PTTG1IP: variants seen among roughly 807,000 people sequenced by gnomAD.
The protein encoded by PTTG1IP is pituitary tumor-transforming gene 1 protein-interacting protein.
In PTTG1IP, 16 loss-of-function variants were observed where a neutral mutation model predicts 24.4. The observed-to-expected ratio is 0.66, with a 90% CI of 0.44 to 1.00. The LOEUF is 1.00. Ranked by LOEUF, PTTG1IP falls within the 50% of genes least tolerant of loss-of-function variation. The pLI is 0.00. For missense variants in PTTG1IP, 241 were observed against 245.8 expected, an observed-to-expected ratio of 0.98 and a Z score of 0.13; for synonymous variants, 89 against 96.8, an observed-to-expected ratio of 0.92 and a Z score of 0.47.
intron 1 of PTTG1IP, among the ~76,000 whole-genome samples, chr21:44,868,853 T>C (rs1420106657): frequency 1.3e-5 from 2 of 152,226 alleles, no homozygotes; most frequent in African/African-American, 4.8e-5. Flanking sequence ...CCAAGACCAC[T>C]GAGTCTGCCT....
intron 3 of PTTG1IP, among the ~76,000 whole-genome samples, chr21:44,858,383 C>T (rs1362811107): frequency 3.3e-5 from 5 of 152,210 alleles, no homozygotes; most frequent in Admixed American, 6.5e-5. Context: ...AGGGCCCGGC[C>T]ACAACTGCTC....
At chr21:44,865,650 G>A (rs1415690601) in intron 1 of PTTG1IP, 22 of 623,742 alleles carry the variant, frequency 3.5e-5, no homozygotes, top group South Asian at 3.5e-4. Flanking sequence ...CAGGAACCCC[G>A]CTGCAGGCAG....
chr21:44,867,067 G>A (rs2083547513), intron 1 of PTTG1IP, among the ~76,000 whole-genome samples: 1 of 152,224 alleles, frequency 6.6e-6, no homozygotes, highest in Non-Finnish European at 1.5e-5. Context: ...CAGCCCAGAT[G>A]TCACTCTGTA....
chr21:44,869,871 C>T (rs766689225), intron 1 of PTTG1IP, among the ~76,000 whole-genome samples: 4 of 152,162 alleles, frequency 2.6e-5, no homozygotes, highest in Non-Finnish European at 4.4e-5. Flanking sequence ...CTCCTCAGCC[C>T]AACAGTGGCT....
chr21:44,871,153 G>C (rs1470090951), intron 1 of PTTG1IP, among the ~76,000 whole-genome samples: 1 of 152,266 alleles, frequency 6.6e-6, no homozygotes, highest in African/African-American at 2.4e-5. Context: ...TATTTCAAAA[G>C]AAAGAGTTGA....
intron 3 of PTTG1IP, among the ~76,000 whole-genome samples, chr21:44,857,325 A>T (rs1394706224): frequency 6.6e-6 from 1 of 152,092 alleles, no homozygotes; most frequent in African/African-American, 2.4e-5. Flanking sequence ...ATCTCTACAA[A>T]ACTGTTTAAC....
At chr21:44,872,295 A>C (rs1399750256) in intron 1 of PTTG1IP, among the ~76,000 whole-genome samples, 2 of 152,240 alleles carry the variant, frequency 1.3e-5, no homozygotes, top group Admixed American at 6.5e-5. Context: ...CCCTAAGCAC[A>C]CTTGGAGGCA....
At chr21:44,861,697 CA>C in intron 2 of PTTG1IP, 1 of 715,592 alleles carries the variant, frequency 1.4e-6, no homozygotes. Flanking sequence ...AGACTGGACA[CA>C]ACCAGCCGCC....
intron 4 of PTTG1IP, among the ~76,000 whole-genome samples, chr21:44,855,460 G>T (rs2083442372): frequency 6.6e-6 from 1 of 152,114 alleles, no homozygotes; most frequent in African/African-American, 2.4e-5. Context: ...AACGAACCCA[G>T]TCTTCAAAGG....
chr21:44,866,184 T>C lies in PTTG1IP; in HGVS notation c.116-737A>G, dbSNP rs553947105. ...AGTAACTTCCAACATGCAACCAAGCTGACTGCCTACTCCCCCAATCCTGTA... is the reference window on the plus strand; with the variant it reads ...AGTAACTTCCAACATGCAACCAAGCCGACTGCCTACTCCCCCAATCCTGTA... On this transcript the variant is annotated intron_variant, in intron 1 of 5. Transcript: ENST00000330938. Among the ~76,000 whole-genome samples the C allele has an allele frequency of 1.8e-3, 267 of 150,820 alleles. 2 individuals carry two copies. Among genetic ancestry groups the C allele is most frequent in the African/African-American group, 6.4e-3 (260 of 40,894 alleles).
Position 44,873,524 on chromosome 21 carries a change from G to T in PTTG1IP, c.93C>A (p.Ala31=). The T allele has an allele frequency of 1.4e-6, 2 of 1,464,704 alleles. No individual in the cohort carries two copies. The highest frequency in any genetic ancestry group is 2.2e-4 in the Middle Eastern group (1 of 4,646). 90.7% of individuals were successfully genotyped at this position (1,464,704 alleles called of 1,614,324 possible). ...CACCAGCTCCGGGAGGCTCCTGCGC[G>T]GCGGCCACCGGGATGAGCAGCAGGA... ...ALLLLLIPVA[A]AQEPPGAACS... The change falls in exon 1 of 6, where the codon GCC becomes GCA. Residue 31 remains alanine (A), a synonymous_variant. Transcript: ENST00000330938.
In PTTG1IP at chr21:44,873,489, C is replaced by G; in HGVS notation, c.115+13G>C. ...CGCCCCCTTCGCGGCCCCGCCCGCCCCGGCGCCCTCACCAGCTCCGGGAGG... is the reference window on the plus strand; with the variant it reads ...CGCCCCCTTCGCGGCCCCGCCCGCCGCGGCGCCCTCACCAGCTCCGGGAGG... On this transcript the variant is annotated intron_variant, in intron 1 of 5. Transcript: ENST00000330938. The G allele has an allele frequency of 1.4e-6, 2 of 1,398,236 alleles. No homozygotes were observed. The highest frequency in any genetic ancestry group is 1.8e-6 in the Non-Finnish European group (2 of 1,081,896). The allele number at this position is 1,398,236 out of a possible 1,614,324, so 86.6% of individuals were successfully genotyped here. A position where few individuals can be genotyped will look rare whatever the true frequency, so the allele number is the denominator to read the frequency against.
intron 3 of PTTG1IP, among the ~76,000 whole-genome samples, chr21:44,856,752 C>G (rs2083452586): frequency 6.6e-6 from 1 of 152,206 alleles, no homozygotes; most frequent in South Asian, 2.1e-4. Flanking sequence ...ACATTCTAAA[C>G]TCACAGAAAT....
intron 5 of PTTG1IP, 24 bp from the exon 6 acceptor site, chr21:44,851,651 A>G (rs1213577099): frequency 3.9e-6 from 6 of 1,553,434 alleles, no homozygotes; most frequent in Non-Finnish European, 4.4e-6. Context: ...AACTTGAATC[A>G]TAACTTCATT....
intron 4 of PTTG1IP, 50 bp from the exon 5 acceptor site, chr21:44,855,306 G>T (rs756889150): frequency 5.8e-6 from 9 of 1,554,300 alleles, no homozygotes; most frequent in Non-Finnish European, 8.0e-6. Flanking sequence ...GCACGGTGGT[G>T]TAACTGCTAG....
At position 44,850,951 on chromosome 21, in the gene PTTG1IP, A is replaced by C; in HGVS notation, c.*630T>G. 1 of 157,106 alleles carries C rather than the reference A, an allele frequency of 6.4e-6. No individual in the cohort carries two copies. The highest frequency in any genetic ancestry group is 1.4e-5 in the Non-Finnish European group (1 of 71,448). 9.7% of individuals were successfully genotyped at this position (157,106 alleles called of 1,614,324 possible). A position where few individuals can be genotyped will look rare whatever the true frequency, so the allele number is the denominator to read the frequency against. ...GGTGAAATCTTTTAAGCAGGGAGGA[A>C]AATCCAATAAATTTTTTTAAAAAGG... On this transcript the variant is annotated 3_prime_UTR_variant, in exon 6 of 6. Coordinates refer to ENST00000330938, the MANE Select transcript of PTTG1IP (RefSeq NM_004339.4).
intron 1 of PTTG1IP, among the ~76,000 whole-genome samples, chr21:44,867,378 G>A (rs1425969870): frequency 1.3e-5 from 2 of 151,790 alleles, no homozygotes; most frequent in African/African-American, 4.9e-5. Context: ...TGCCGCTCTA[G>A]AAAAGGTGAG....
At chr21:44,862,725 C>G (rs2083501543) in intron 2 of PTTG1IP, among the ~76,000 whole-genome samples, 1 of 152,212 alleles carries the variant, frequency 6.6e-6, no homozygotes, top group Non-Finnish European at 1.5e-5. Context: ...TCCCCTGGGC[C>G]TTCTTTCCCA....
chr21:44,867,798 A>G (rs1020668694), intron 1 of PTTG1IP, among the ~76,000 whole-genome samples: 3 of 152,232 alleles, frequency 2.0e-5, no homozygotes, highest in African/African-American at 4.8e-5. Flanking sequence ...GAAGAGCTTC[A>G]TGATGAAATG....
Sources: allele counts gnomAD v4.1 joint callset (sites outside exome capture counted in the v4.1 genomes callset), GRCh38; gene constraint gnomAD v4.1.1; transcripts MANE v1.5; gene names NCBI Gene and HGNC (gene_info 2026-07-23, HGNC 2026-07-21).